The following VWA3A variants were observed in gnomAD, a reference collection of about 807,000 sequenced individuals.
The protein encoded by VWA3A is von Willebrand factor A domain containing 3A, also known as von Willebrand factor A domain-containing protein 3A.
VWA3A carries 134 observed loss-of-function variants against 160.4 expected under a neutral mutation model. The ratio of observed to expected loss-of-function variants is 0.84; its 90% confidence interval spans 0.73 to 0.96. The LOEUF (loss-of-function observed/expected upper bound fraction) is 0.96. Among genes scored for constraint, VWA3A ranks in the 40% least tolerant of loss-of-function variants. VWA3A has a pLI of 0.00. For synonymous variants in VWA3A, 476 were observed against 543.4 expected (o/e 0.88, Z 1.72); for missense variants, 1,310 against 1,447.9 (o/e 0.90, Z 1.55).
At position 22,152,506 on chromosome 16, in the gene VWA3A, T is replaced by C. The variant is rs1031771381; in HGVS notation, c.3282-5T>C. On this transcript the variant is annotated splice_polypyrimidine_tract_variant and splice_region_variant and intron_variant, in intron 30 of 33. Coordinates refer to ENST00000389398, the MANE Select transcript of VWA3A (RefSeq NM_173615.5). ...TCCCACCAGCCCTCTGTCCCTTCCT[T>C]CCAGAGCGGCGGTTGAGTTCCTGAG... is the stretch of plus-strand genomic sequence containing the variant. 2 of 1,612,722 alleles carry C rather than the reference T, an allele frequency of 1.2e-6. No homozygotes were observed. The highest frequency in any genetic ancestry group is 3.3e-5 in the Admixed American group (2 of 59,912).
chr16:22,113,496 A>T (rs1329339630), intron 8 of VWA3A, among the ~76,000 whole-genome samples: 8 of 147,900 alleles, frequency 5.4e-5, no homozygotes, highest in African/African-American at 7.4e-5. Flanking sequence ...AAGTGCTGGG[A>T]TTACAGGCAT....
At chr16:22,150,614 G>A in intron 29 of VWA3A, 81 bp from the exon 30 acceptor site, 1 of 1,478,972 alleles carries the variant, frequency 6.8e-7, no homozygotes, top group Non-Finnish European at 9.0e-7. Flanking sequence ...GGCGGCAGCA[G>A]GCACTACCTT....
At chr16:22,121,452 A>T in intron 13 of VWA3A, 62 bp from the exon 14 acceptor site, 1 of 1,350,858 alleles carries the variant, frequency 7.4e-7, no homozygotes, top group South Asian at 1.2e-5. Context: ...TCAAAAAAAT[A>T]AAAGGCTTGA....
intron 3 of VWA3A, among the ~76,000 whole-genome samples, chr16:22,099,545 C>T (rs1353422233): frequency 1.3e-5 from 2 of 152,178 alleles, no homozygotes; most frequent in South Asian, 2.1e-4. Flanking sequence ...AGTTAACGTA[C>T]GGAAAGTGCT....
At chr16:22,113,363 CTTTTTTTTTTTTTTTTTTTTTTTTTT>C (rs569069206) in intron 8 of VWA3A, among the ~76,000 whole-genome samples, 1 of 46,252 alleles carries the variant, frequency 2.2e-5, no homozygotes, top group Admixed American at 4.0e-4. Context: ...GGCTAATTTT[CTTTTTTTTTTTTTTTTTTTTTTTTTT>C]TTTTTTTGTA....
chr16:22,097,520 C>G, intron 2 of VWA3A, 52 bp from the exon 3 acceptor site: 1 of 1,543,382 alleles, frequency 6.5e-7, no homozygotes, highest in Non-Finnish European at 8.7e-7. Flanking sequence ...CTGGGGGTAT[C>G]AAACCTATGC....
chr16:22,095,851 T>C (rs1437762126), intron 1 of VWA3A, among the ~76,000 whole-genome samples: 1 of 152,134 alleles, frequency 6.6e-6, no homozygotes, highest in Non-Finnish European at 1.5e-5. Flanking sequence ...AGGTGTGAGC[T>C]ACCATGCCTG....
At chr16:22,132,369 C>T (rs1351160806) in intron 19 of VWA3A, among the ~76,000 whole-genome samples, 1 of 147,168 alleles carries the variant, frequency 6.8e-6, no homozygotes, top group African/African-American at 2.5e-5. Context: ...GCGACAAAAG[C>T]GAAACTCCAT....
At chr16:22,151,806 A>G (rs1386862572) in intron 30 of VWA3A, among the ~76,000 whole-genome samples, 1 of 152,234 alleles carries the variant, frequency 6.6e-6, no homozygotes, top group Non-Finnish European at 1.5e-5. Flanking sequence ...AACAGACTGC[A>G]TAGGGACACA....
At chr16:22,146,972 A>C (rs2046264420) in intron 27 of VWA3A, among the ~76,000 whole-genome samples, 1 of 152,178 alleles carries the variant, frequency 6.6e-6, no homozygotes. Context: ...GCGCCCCAGC[A>C]AAACAGCCCC....
At chr16:22,138,894 G>T (rs1364527924) in intron 22 of VWA3A, among the ~76,000 whole-genome samples, 1 of 152,098 alleles carries the variant, frequency 6.6e-6, no homozygotes, top group African/African-American at 2.4e-5. Flanking sequence ...CCAAGACTTT[G>T]CAGAGGCTGA....
At chr16:22,097,733 C>T (rs1025251354) in intron 3 of VWA3A, 38 bp downstream of exon 3, 2 of 1,549,326 alleles carry the variant, frequency 1.3e-6, no homozygotes, top group Non-Finnish European at 8.7e-7. Flanking sequence ...CGTGATACTA[C>T]AAATCATTCA....
intron 8 of VWA3A, among the ~76,000 whole-genome samples, chr16:22,114,113 G>C (rs924223944): frequency 1.3e-5 from 2 of 152,176 alleles, no homozygotes. Context: ...CTATTGGCTA[G>C]AGAAGGTGCT....
intron 27 of VWA3A, chr16:22,147,767 A>ATG (rs2046280306): frequency 2.9e-6 from 2 of 678,624 alleles, no homozygotes; most frequent in Non-Finnish European, 5.3e-6. Context: ...CTTTTGTAGT[A>ATG]TGAATCCCCC....
In VWA3A at chr16:22,100,235, C is replaced by T; in HGVS notation, c.267C>T (p.Asp89=). The change falls in exon 4 of 34, where the codon GAC becomes GAT. Residue 89 remains aspartate, a synonymous_variant. Transcript: ENST00000389398. ...GSETQSSDWE[D]SEDWLSAHSL... ...AGACCCAGTCTTCAGATTGGGAGGA[C>T]TCTGAAGACTGGCTTTCGGCTCACA... 1 of 1,550,840 alleles carries T rather than the reference C, an allele frequency of 6.4e-7. No individual in the cohort carries two copies. Among genetic ancestry groups the T allele is most frequent in the African/African-American group, 1.4e-5 (1 of 73,070 alleles).
chr16:22,116,977 ACCTGTC>A (rs1159848131), intron 10 of VWA3A, 110 bp downstream of exon 10: 3 of 1,408,402 alleles, frequency 2.1e-6, no homozygotes, highest in Admixed American at 3.9e-5. Flanking sequence ...ACCAGAATGC[ACCTGTC>A]CCTGTGCCTG....
intron 26 of VWA3A, among the ~76,000 whole-genome samples, chr16:22,144,744 C>A (rs2046217676): frequency 6.6e-6 from 1 of 151,836 alleles, no homozygotes; most frequent in African/African-American, 2.4e-5. Context: ...ATAGCAAGAC[C>A]CCATCTCTGA....
chr16:22,149,702 T>C lies in VWA3A; in HGVS notation c.2985-85T>C, dbSNP rs2046314181. The C allele has an allele frequency of 4.9e-6, 7 of 1,430,366 alleles. No homozygotes were observed. In the South Asian group the frequency reaches 7.8e-5, roughly 16 times the overall value. 88.6% of individuals were successfully genotyped at this position (1,430,366 alleles called of 1,614,324 possible). A position where few individuals can be genotyped will look rare whatever the true frequency, so the allele number is the denominator to read the frequency against. On this transcript the variant is annotated intron_variant, in intron 28 of 33. Coordinates refer to ENST00000389398, the MANE Select transcript of VWA3A (RefSeq NM_173615.5). ...GAATAGTCCTCATGAGGGTAACTTA[T>C]CTGAATTCAATCTAGACAGGCCTGT...
At position 22,146,823 on chromosome 16, in the gene VWA3A, G is replaced by A. The variant is rs138097233; in HGVS notation, c.2839+479G>A. Among the ~76,000 whole-genome samples the A allele has an allele frequency of 9.4e-3, 1,432 of 151,570 alleles. 26 individuals carry two copies. The highest frequency in any genetic ancestry group is 0.033 in the African/African-American group (1,372 of 41,306). ...AGGACAGGCAAGGGGCTGGATAACA[G>A]GGAGGTGGAACATGGGCCAAAGAGC... On this transcript the variant is annotated intron_variant, in intron 27 of 33. Coordinates refer to ENST00000389398, the MANE Select transcript of VWA3A (RefSeq NM_173615.5).
Sources: allele counts gnomAD v4.1 joint callset (sites outside exome capture counted in the v4.1 genomes callset), GRCh38; gene constraint gnomAD v4.1.1; transcripts MANE v1.5; gene names NCBI Gene and HGNC (gene_info 2026-07-23, HGNC 2026-07-21).